WDR12: variants seen among roughly 807,000 people sequenced by gnomAD.
WDR12 encodes WD repeat domain 12.
WDR12 carries 42 observed loss-of-function variants against 64.3 expected under a neutral mutation model. The observed-to-expected ratio is 0.65, with a 90% CI of 0.51 to 0.84. The LOEUF (loss-of-function observed/expected upper bound fraction) is 0.84, where lower values mean the gene tolerates loss of function less well. Among genes scored for constraint, WDR12 ranks in the 40% least tolerant of loss-of-function variants. The pLI is 0.00. For synonymous variants in WDR12, 158 were observed against 173.3 expected (o/e 0.91, Z 0.70); for missense variants, 469 against 494.6 (o/e 0.95, Z 0.49).
At chr2:202,882,268 G>A (rs1687962982) in intron 12 of WDR12, among the ~76,000 whole-genome samples, 3 of 151,750 alleles carry the variant, frequency 2.0e-5, no homozygotes, top group South Asian at 2.1e-4. Context: ...AATGAGAGGT[G>A]ACATTTTATA....
rs1326926054 is a variant in WDR12 at position 202,883,716 on chromosome 2, T to C, written c.1014A>G (p.Leu338=). 6 of 1,614,158 alleles carry C rather than the reference T, an allele frequency of 3.7e-6. No individual in the cohort carries two copies. The highest frequency in any genetic ancestry group is 4.2e-6 in the Non-Finnish European group (5 of 1,180,024). ...TKDGSLVSLS[L]TSHTGWVTSV... is the part of the protein sequence containing the mutation. ...ATGTCACCCAACCAGTATGTGACGTTAGGGACAGCGACACCAAAGAACCAT... is the reference window on the plus strand; with the variant it reads ...ATGTCACCCAACCAGTATGTGACGTCAGGGACAGCGACACCAAAGAACCAT... The change falls in exon 11 of 13, where the codon CTA becomes CTG. Residue 338 remains leucine, a synonymous_variant. Coordinates refer to ENST00000261015, the MANE Select transcript of WDR12 (RefSeq NM_018256.4).
intron 4 of WDR12, among the ~76,000 whole-genome samples, chr2:202,897,926 A>ATATATATATATATATATAT (rs1559162254): frequency 1.8e-5 from 1 of 54,176 alleles, no homozygotes; most frequent in Non-Finnish European, 3.8e-5. Context: ...TATATATATA[A>ATATATATATATATATATAT]AAAATATATA....
At chr2:202,900,058 A>C (rs1187676201) in intron 3 of WDR12, among the ~76,000 whole-genome samples, 1 of 152,200 alleles carries the variant, frequency 6.6e-6, no homozygotes, top group East Asian at 1.9e-4. Flanking sequence ...GGCCAGGTGC[A>C]GTGGCTCACA....
chr2:202,894,285 T>C (rs1472994484), intron 7 of WDR12, among the ~76,000 whole-genome samples: 2 of 151,972 alleles, frequency 1.3e-5, no homozygotes, highest in Non-Finnish European at 2.9e-5. Flanking sequence ...CATGGTATCA[T>C]AGCTCACTGA....
chr2:202,898,375 T>A (rs1295970945), intron 4 of WDR12, among the ~76,000 whole-genome samples: 1 of 152,228 alleles, frequency 6.6e-6, no homozygotes, highest in African/African-American at 2.4e-5. Context: ...GGTCTCAAAC[T>A]TCTGATCTCA....
Position 202,911,511 on chromosome 2 carries a change from T to A in WDR12, c.-35A>T. ...TACACACGACTTGCCCACGGAAACG[T>A]ACGGGTTAGCAGACCCACAACACGA... On this transcript the variant is annotated 5_prime_UTR_variant, in exon 1 of 13. Coordinates refer to ENST00000261015, the MANE Select transcript of WDR12 (RefSeq NM_018256.4). 1 of 1,611,142 alleles carries A rather than the reference T, an allele frequency of 6.2e-7. No individual in the cohort carries two copies. Among genetic ancestry groups the A allele is most frequent in the Non-Finnish European group, 8.5e-7 (1 of 1,177,282 alleles).
intron 5 of WDR12, among the ~76,000 whole-genome samples, chr2:202,896,729 C>T (rs1445142895): frequency 6.6e-6 from 1 of 151,934 alleles, no homozygotes; most frequent in Non-Finnish European, 1.5e-5. Context: ...TGGCTCACGC[C>T]TGTAATCCCA....
At position 202,887,894 on chromosome 2, in the gene WDR12, C is replaced by CAAAAA. The variant is rs778475206; in HGVS notation, c.742-3364_742-3360dup. Among the ~76,000 whole-genome samples the CAAAAA allele has an allele frequency of 1.5e-3, 92 of 60,560 alleles. 1 individual carries two copies. Among genetic ancestry groups the CAAAAA allele is most frequent in the Non-Finnish European group, 2.2e-3 (67 of 30,326 alleles). 39.7% of individuals were successfully genotyped at this position (60,560 alleles called of 152,430 possible). A position where few individuals can be genotyped will look rare whatever the true frequency, so the allele number is the denominator to read the frequency against. On this transcript the variant is annotated intron_variant, in intron 8 of 12. Transcript: ENST00000261015. Reference sequence around the variant, plus strand: ...TGGGCGACAGAGCGAGACTCCGTCTCAAAAAAAAAAAAAAAAAAAGAAAAT... The same window carrying CAAAAA: ...TGGGCGACAGAGCGAGACTCCGTCTCAAAAAAAAAAAAAAAAAAAAAAAAGAAAAT...
chr2:202,893,254 A>C (rs889040010), intron 7 of WDR12, among the ~76,000 whole-genome samples: 1 of 152,148 alleles, frequency 6.6e-6, no homozygotes, highest in African/African-American at 2.4e-5. Context: ...AATGTATGTT[A>C]CATTATATGT....
intron 6 of WDR12, among the ~76,000 whole-genome samples, chr2:202,895,664 A>G (rs1401138190): frequency 1.3e-5 from 2 of 148,612 alleles, no homozygotes; most frequent in Non-Finnish European, 3.0e-5. Context: ...CTGGGATTAC[A>G]GGCATGCGCC....
At chr2:202,883,579 T>C (rs1687992419) in intron 11 of WDR12, 30 bp downstream of exon 11, 4 of 1,600,810 alleles carry the variant, frequency 2.5e-6, no homozygotes, top group South Asian at 2.2e-5. Flanking sequence ...AATTGATATG[T>C]TTCTCTTATA....
intron 7 of WDR12, 81 bp from the exon 8 acceptor site, chr2:202,892,783 G>C (rs1158119525): frequency 9.7e-7 from 1 of 1,035,896 alleles, no homozygotes; most frequent in African/African-American, 1.6e-5. Context: ...TACATTTCCA[G>C]ATATAGTTTT....
Position 202,884,532 on chromosome 2 carries a change from G to A in WDR12, c.745C>T (p.Pro249Ser), listed in dbSNP as rs1441927851. 1 of 1,606,052 alleles carries A rather than the reference G, an allele frequency of 6.2e-7. No homozygotes were observed. The highest frequency in any genetic ancestry group is 8.5e-7 in the Non-Finnish European group (1 of 1,178,158). Residue 249 changes from proline to serine, a missense_variant, in exon 9 of 13, where the codon CCC becomes TCC. Transcript: ENST00000261015. The part of the protein sequence containing the change: ...KTEQLGLTRT[P>S]IVTLSGHMEA... ...ATGTGGCCAGAGAGGGTCACTATGG[G>A]AGTCTAGAAAGGAAGAACCCCAAAA...
At chr2:202,886,924 G>C (rs1688058782) in intron 8 of WDR12, among the ~76,000 whole-genome samples, 2 of 152,086 alleles carry the variant, frequency 1.3e-5, no homozygotes, top group South Asian at 4.1e-4. Flanking sequence ...TTTCAGTAAA[G>C]AACCAGCAAG....
chr2:202,887,968 A>G (rs1688082114), intron 8 of WDR12, among the ~76,000 whole-genome samples: 1 of 152,098 alleles, frequency 6.6e-6, no homozygotes, highest in African/African-American at 2.4e-5. Context: ...AAGCTATACC[A>G]TTCCTAGGCA....
rs1160065096 is a variant in WDR12, at chr2:202,897,924, TAA to T, written c.339-511_339-510del. On this transcript the variant is annotated intron_variant, in intron 4 of 12. Transcript: ENST00000261015. The stretch of plus-strand genomic sequence containing the variant: ...AAAAAAAAAAATATATATATATATA[TAA>T]AAAATATATATCATATATATACATA... Among the ~76,000 whole-genome samples, 483 of 123,776 alleles carry T rather than the reference TAA, an allele frequency of 3.9e-3. 10 individuals are homozygous for T. The highest frequency in any genetic ancestry group is 0.013 in the African/African-American group (442 of 34,836). 81.2% of individuals were successfully genotyped at this position (123,776 alleles called of 152,430 possible). A position where few individuals can be genotyped will look rare whatever the true frequency, so the allele number is the denominator to read the frequency against.
intron 8 of WDR12, 74 bp from the exon 9 acceptor site, chr2:202,884,609 C>T: frequency 6.9e-7 from 1 of 1,456,188 alleles, no homozygotes; most frequent in Non-Finnish European, 9.2e-7. Context: ...GTACTTATTA[C>T]TTACAAAGCC....
intron 8 of WDR12, among the ~76,000 whole-genome samples, chr2:202,888,494 A>G (rs1688091053): frequency 6.6e-6 from 1 of 152,224 alleles, no homozygotes; most frequent in Non-Finnish European, 1.5e-5. Flanking sequence ...TTGTCACTAC[A>G]AACTAAGTGG....
Position 202,899,628 on chromosome 2 carries a change from C to G in WDR12, c.241G>C (p.Val81Leu). ...EMENISSEEV[V>L]EIEYVEKYTA... Reference sequence around the variant, plus strand: ...TACTTCTCCACGTATTCTATTTCCACAACTTCTTCCTAATCACAAGAGAAA... The same window carrying G: ...TACTTCTCCACGTATTCTATTTCCAGAACTTCTTCCTAATCACAAGAGAAA... Residue 81 changes from valine (V) to leucine (L), a missense_variant, in exon 4 of 13, where the codon GTG becomes CTG. Physicochemically the swap from Val to Leu is conservative, Grantham distance 32. Coordinates refer to ENST00000261015, the MANE Select transcript of WDR12 (RefSeq NM_018256.4). 1 of 1,613,780 alleles carries G rather than the reference C, an allele frequency of 6.2e-7. No homozygotes were observed. Among genetic ancestry groups the G allele is most frequent in the Non-Finnish European group, 8.5e-7 (1 of 1,179,822 alleles).
Sources: gnomAD v4.1 joint callset for allele counts (sites outside exome capture counted in the v4.1 genomes callset) on GRCh38, gnomAD v4.1.1 for gene constraint, MANE v1.5 for transcripts, NCBI Gene and HGNC (gene_info 2026-07-23, HGNC 2026-07-21) for gene names.